SRPK2: variants seen among roughly 807,000 people sequenced by gnomAD.
The protein encoded by SRPK2 is SRSF protein kinase 2, also known as SFRS protein kinase 2.
Under a neutral mutation model 90.8 loss-of-function variants are expected in SRPK2, and 21 were observed. The ratio of observed to expected loss-of-function variants is 0.23; its 90% CI spans 0.16 to 0.33. The LOEUF is 0.33. SRPK2 is among the 10% of genes least tolerant of loss of function. SRPK2 has a pLI of 1.00. For missense variants in SRPK2, 620 were observed against 869.0 expected, an observed-to-expected ratio of 0.71 and a Z score of 3.60; for synonymous variants, 288 against 311.1, an observed-to-expected ratio of 0.93 and a Z score of 0.78.
At chr7:105,274,675 C>G (rs1427769274) in intron 2 of SRPK2, among the ~76,000 whole-genome samples, 1 of 151,838 alleles carries the variant, frequency 6.6e-6, no homozygotes, top group Non-Finnish European at 1.5e-5. Context: ...ACCAAATCAC[C>G]ACATCCAGAC....
intron 2 of SRPK2, among the ~76,000 whole-genome samples, chr7:105,381,208 C>T (rs1820908928): frequency 6.6e-6 from 1 of 151,602 alleles, no homozygotes; most frequent in East Asian, 1.9e-4. Flanking sequence ...CATGCCACTG[C>T]ATTCCTGTCT....
At chr7:105,391,711 G>A (rs1822188198), upstream of SRPK2, among the ~76,000 whole-genome samples, 1 of 152,062 alleles carries the variant, frequency 6.6e-6, no homozygotes, top group African/African-American at 2.4e-5. Flanking sequence ...GTGTTGGTGG[G>A]GATTTTGGAA....
chr7:105,371,012 A>G (rs935668585), intron 2 of SRPK2, among the ~76,000 whole-genome samples: 2 of 152,212 alleles, frequency 1.3e-5, no homozygotes, highest in African/African-American at 4.8e-5. Context: ...GGACATATAC[A>G]TTTTGTAGGA....
intron 2 of SRPK2, among the ~76,000 whole-genome samples, chr7:105,371,634 C>T (rs1486558026): frequency 2.0e-5 from 3 of 149,494 alleles, no homozygotes; most frequent in African/African-American, 7.4e-5. Context: ...GTAGTGCATG[C>T]CTGTAGTCCC....
At chr7:105,152,944 G>C (rs1461509470) in intron 7 of SRPK2, among the ~76,000 whole-genome samples, 2 of 152,188 alleles carry the variant, frequency 1.3e-5, no homozygotes, top group Non-Finnish European at 2.9e-5. Flanking sequence ...TGAGGCACAA[G>C]AATTGCTTGA....
intron 2 of SRPK2, among the ~76,000 whole-genome samples, chr7:105,344,609 C>T (rs1816237988): frequency 6.6e-6 from 1 of 151,916 alleles, no homozygotes; most frequent in Non-Finnish European, 1.5e-5. Flanking sequence ...TAAAAGCTAT[C>T]TTACAAGCCA....
At chr7:105,330,913 G>C (rs963895793) in intron 2 of SRPK2, among the ~76,000 whole-genome samples, 1 of 152,060 alleles carries the variant, frequency 6.6e-6, no homozygotes, top group Non-Finnish European at 1.5e-5. Flanking sequence ...AGGGTCCCTT[G>C]AATCCAGAAA....
In SRPK2 at chr7:105,215,910, G is replaced by A. The variant is rs201445622; in HGVS notation, c.72-12125C>T. Among the ~76,000 whole-genome samples the A allele has an allele frequency of 2.4e-4, 37 of 152,080 alleles. No individual in the cohort carries two copies. In the East Asian group the frequency reaches 2.9e-3, roughly 12 times the overall value. ...ATAAAATAGTTATAAAATTAAGAGG[G>A]CTGGGTGCAGCTGCACAAGCTGATT... is the stretch of plus-strand genomic sequence containing the variant. On this transcript the variant is annotated intron_variant, in intron 2 of 15. Coordinates refer to ENST00000393651, the MANE Select transcript of SRPK2 (RefSeq NM_182692.3).
intron 2 of SRPK2, among the ~76,000 whole-genome samples, chr7:105,286,198 T>C (rs980788718): frequency 3.9e-5 from 6 of 152,178 alleles, no homozygotes; most frequent in African/African-American, 1.4e-4. Context: ...CTTTCAAATG[T>C]CCTCAAATTT....
At chr7:105,180,234 A>T (rs1792591199) in intron 3 of SRPK2, among the ~76,000 whole-genome samples, 1 of 152,188 alleles carries the variant, frequency 6.6e-6, no homozygotes, top group African/African-American at 2.4e-5. Context: ...AAACACAAAG[A>T]CCAATGGAAC....
At chr7:105,304,285 T>C (rs1471059194) in intron 2 of SRPK2, 5 of 152,222 alleles carry the variant, frequency 3.3e-5, no homozygotes, top group African/African-American at 1.2e-4. Flanking sequence ...CCAGATTGCC[T>C]ATCCAGGTTA....
intron 5 of SRPK2, 146 bp from the exon 6 acceptor site, chr7:105,167,610 ATTTAT>A (rs1790245394): frequency 2.2e-6 from 1 of 452,012 alleles, no homozygotes; most frequent in African/African-American, 2.0e-5. Context: ...TTATTTATTT[ATTTAT>A]TTATTTATTT....
chr7:105,221,900 C>T (rs1169509536), intron 2 of SRPK2, among the ~76,000 whole-genome samples: 1 of 152,122 alleles, frequency 6.6e-6, no homozygotes, highest in Non-Finnish European at 1.5e-5. Flanking sequence ...CCCTAGTATC[C>T]ACAGATAAAC....
chr7:105,321,501 G>C, intron 2 of SRPK2, among the ~76,000 whole-genome samples: 1 of 151,956 alleles, frequency 6.6e-6, no homozygotes, highest in South Asian at 2.1e-4. Context: ...AAACTTTTCT[G>C]CATCAAATGA....
chr7:105,301,084 A>G (rs1361150992), intron 2 of SRPK2, among the ~76,000 whole-genome samples: 1 of 152,196 alleles, frequency 6.6e-6, no homozygotes, highest in Non-Finnish European at 1.5e-5. Flanking sequence ...TTATTGCGGC[A>G]TTATTCACAA....
chr7:105,344,120 G>A (rs957263162), intron 2 of SRPK2, among the ~76,000 whole-genome samples: 11 of 152,068 alleles, frequency 7.2e-5, no homozygotes, highest in Non-Finnish European at 1.6e-4. Context: ...GTTAGCAAAT[G>A]CTTTCTGCAA....
At chr7:105,214,279 T>A (rs1797189934) in intron 2 of SRPK2, among the ~76,000 whole-genome samples, 1 of 152,198 alleles carries the variant, frequency 6.6e-6, no homozygotes, top group African/African-American at 2.4e-5. Flanking sequence ...TAATAAGTAG[T>A]AAGGTTAGCT....
intron 3 of SRPK2, among the ~76,000 whole-genome samples, chr7:105,181,542 G>A (rs1446242652): frequency 6.6e-6 from 1 of 152,176 alleles, no homozygotes; most frequent in Non-Finnish European, 1.5e-5. Context: ...TATAAAAAAA[G>A]AACAAGATCA....
rs767058135 is a variant in SRPK2, at chr7:105,133,112, G to A, written c.1544-8C>T. The A allele has an allele frequency of 6.2e-7, 1 of 1,613,608 alleles. No homozygotes were observed. The highest frequency in any genetic ancestry group is 1.3e-5 in the African/African-American group (1 of 74,924). Reference sequence around the variant, plus strand: ...CAGCTGCCCGGGTTTTTGCTGGCATGAGCAAACAGCAGGACAGTTAGTGAT... The same window carrying A: ...CAGCTGCCCGGGTTTTTGCTGGCATAAGCAAACAGCAGGACAGTTAGTGAT... On this transcript the variant is annotated splice_polypyrimidine_tract_variant and splice_region_variant and intron_variant, in intron 11 of 15. Coordinates refer to ENST00000393651, the MANE Select transcript of SRPK2 (RefSeq NM_182692.3).
Sources: allele counts gnomAD v4.1 joint callset (sites outside exome capture counted in the v4.1 genomes callset), GRCh38; gene constraint gnomAD v4.1.1; transcripts MANE v1.5; gene names NCBI Gene and HGNC (gene_info 2026-07-23, HGNC 2026-07-21).